FAM20A: variants seen among roughly 807,000 people sequenced by gnomAD.
FAM20A encodes pseudokinase FAM20A.
Under a neutral mutation model 52.0 loss-of-function variants are expected in FAM20A, and 42 were observed. That is an observed-to-expected ratio of 0.81 (90% CI 0.63 to 1.04). FAM20A has a LOEUF of 1.04. Ranked by LOEUF, FAM20A falls within the 50% of genes least tolerant of loss-of-function variation. The pLI is 0.00. For missense variants in FAM20A, 742 were observed against 712.7 expected (o/e 1.04, Z -0.47); for synonymous variants, 304 against 298.9 (o/e 1.02, Z -0.18).
intron 1 of FAM20A, among the ~76,000 whole-genome samples, chr17:68,597,145 T>C (rs1156343103): frequency 6.6e-6 from 1 of 152,008 alleles, no homozygotes; most frequent in Non-Finnish European, 1.5e-5. Context: ...CTACCTCTTA[T>C]TGGTAATGAG....
intron 1 of FAM20A, among the ~76,000 whole-genome samples, chr17:68,588,698 G>T (rs1009814576): frequency 3.3e-5 from 5 of 152,174 alleles, no homozygotes; most frequent in Non-Finnish European, 7.3e-5. Context: ...ATTGGATCAA[G>T]ACCTACCCAC....
chr17:68,537,941 A>T lies in FAM20A; in HGVS notation c.1362-200T>A, dbSNP rs910001280. Reference sequence around the variant, plus strand: ...CCAGTATCCTGCAGTCCTTTGCCCAATTGCGATTTGGTCAAGAGCCTGCAT... The same window carrying T: ...CCAGTATCCTGCAGTCCTTTGCCCATTTGCGATTTGGTCAAGAGCCTGCAT... On this transcript the variant is annotated intron_variant, in intron 10 of 10. Coordinates refer to ENST00000592554, the MANE Select transcript of FAM20A (RefSeq NM_017565.4). This position sits in a 1 kb window ranked among gnomAD's most constrained non-coding sequence, Gnocchi z 4.2. Among the ~76,000 whole-genome samples the T allele has an allele frequency of 6.6e-6, 1 of 152,174 alleles. No individual in the cohort carries two copies. The highest frequency in any genetic ancestry group is 2.4e-5 in the African/African-American group (1 of 41,456).
intron 1 of FAM20A, among the ~76,000 whole-genome samples, chr17:68,569,124 G>A (rs183461899): frequency 7.2e-4 from 109 of 152,184 alleles, no homozygotes; most frequent in Middle Eastern, 6.8e-3. Context: ...GGATGAGATT[G>A]CATCCACACC....
intron 1 of FAM20A, among the ~76,000 whole-genome samples, chr17:68,564,789 G>A (rs1178059608): frequency 1.3e-5 from 2 of 152,132 alleles, no homozygotes; most frequent in Non-Finnish European, 2.9e-5. Flanking sequence ...TTTGCTTCCT[G>A]GGATATGGGA....
rs570374190 is a variant in FAM20A at position 68,548,145 on chromosome 17, A to G, written c.719+3728T>C. 2.0e-5 allele frequency among the ~76,000 whole-genome samples: 3 copies of G among 152,344 alleles called. 1 individual carries two copies. The highest frequency in any genetic ancestry group is 7.2e-5 in the African/African-American group (3 of 41,582). ...TGCAGTGGCTCACACCTGTAATCCTAGCACTTTGGAAGGCCAAGGTTGGCA... is the reference window on the plus strand; with the variant it reads ...TGCAGTGGCTCACACCTGTAATCCTGGCACTTTGGAAGGCCAAGGTTGGCA... On this transcript the variant is annotated intron_variant, in intron 4 of 10. Transcript: ENST00000592554.
chr17:68,536,404 A>G lies in FAM20A; in HGVS notation c.*1073T>C, dbSNP rs77669268. On this transcript the variant is annotated 3_prime_UTR_variant, in exon 11 of 11. Transcript: ENST00000592554. ...TATGGAATAAGAAACAAAGCCTCCTATTAAAAGGAGTTTCAGATATCAACA... is the reference window on the plus strand; with the variant it reads ...TATGGAATAAGAAACAAAGCCTCCTGTTAAAAGGAGTTTCAGATATCAACA... 0.029 allele frequency: 12,952 copies of G among 454,108 alleles called. 255 individuals carry two copies. The highest frequency in any genetic ancestry group is 0.037 in the Non-Finnish European group (8,456 of 226,784). 28.1% of individuals were successfully genotyped at this position (454,108 alleles called of 1,614,324 possible). A position where few individuals can be genotyped will look rare whatever the true frequency, so the allele number is the denominator to read the frequency against.
At chr17:68,557,994 G>T (rs918496524) in intron 1 of FAM20A, among the ~76,000 whole-genome samples, 1 of 152,146 alleles carries the variant, frequency 6.6e-6, no homozygotes, top group Non-Finnish European at 1.5e-5. Context: ...GGTTGTCAAG[G>T]TGGGCCTGAT....
At chr17:68,574,173 T>C (rs1471333980) in intron 1 of FAM20A, among the ~76,000 whole-genome samples, 1 of 151,438 alleles carries the variant, frequency 6.6e-6, no homozygotes, top group East Asian at 2.0e-4. Context: ...CAAGTGATCC[T>C]CCCACCTCAG....
At chr17:68,570,197 T>C (rs1485278740) in intron 1 of FAM20A, among the ~76,000 whole-genome samples, 4 of 152,194 alleles carry the variant, frequency 2.6e-5, no homozygotes, top group Admixed American at 6.5e-5. Flanking sequence ...TGCCTCAGCC[T>C]CCTGAGTAGC....
rs1279583439 is a variant in FAM20A, at chr17:68,537,121, T to G, written c.*356A>C. ...AGAATAAGGATCCTGAGAAGTCAGG[T>G]ATCCACTTGATGTCCTTTTATTTGA... On this transcript the variant is annotated 3_prime_UTR_variant, in exon 11 of 11. Coordinates refer to ENST00000592554, the MANE Select transcript of FAM20A (RefSeq NM_017565.4). The surrounding 1 kb of genome is among the most constrained non-coding windows in gnomAD (Gnocchi z 4.2). 2.1e-6 allele frequency: 1 copy of G among 480,240 alleles called. No individual in the cohort carries two copies. The highest frequency in any genetic ancestry group is 4.1e-6 in the Non-Finnish European group (1 of 244,986). The allele number at this position is 480,240 out of a possible 1,614,324, so 29.7% of individuals were successfully genotyped here. A position where few individuals can be genotyped will look rare whatever the true frequency, so the allele number is the denominator to read the frequency against.
chr17:68,535,285 A>G lies in FAM20A; in HGVS notation c.*2192T>C. ...GAAGGTTGAAAGATAAGTGAATAAT[A>G]AGGTAGGTGTACCACATATCATGGT... On this transcript the variant is annotated 3_prime_UTR_variant, in exon 11 of 11. Transcript: ENST00000592554. 1 of 454,142 alleles carries G rather than the reference A, an allele frequency of 2.2e-6. No homozygotes were observed. The highest frequency in any genetic ancestry group is 4.4e-6 in the Non-Finnish European group (1 of 226,796). The allele number at this position is 454,142 out of a possible 1,614,324, so 28.1% of individuals were successfully genotyped here.
At chr17:68,552,643 G>A (rs1198547742) in intron 3 of FAM20A, among the ~76,000 whole-genome samples, 1 of 151,052 alleles carries the variant, frequency 6.6e-6, no homozygotes, top group African/African-American at 2.4e-5. Flanking sequence ...GGGAAGCCTG[G>A]AGCCCTGTAA....
At chr17:68,541,302 T>G (rs778705741) in intron 7 of FAM20A, 1 of 342,474 alleles carries the variant, frequency 2.9e-6, no homozygotes, top group Non-Finnish European at 5.7e-6. Flanking sequence ...TCTTGGACCC[T>G]GCGCCACTCA....
In FAM20A at chr17:68,537,636, G is replaced by A. The variant is rs1285047737; in HGVS notation, c.1467C>T (p.Val489=). The A allele has an allele frequency of 1.9e-6, 3 of 1,613,666 alleles. No individual in the cohort carries two copies. The African/African-American group carries it at 4.0e-5, about 22-fold the overall frequency. The change falls in exon 11 of 11, where the codon GTC becomes GTT. Residue 489 remains valine (V), a synonymous_variant. Coordinates refer to ENST00000592554, the MANE Select transcript of FAM20A (RefSeq NM_017565.4). This position sits in a 1 kb window ranked among gnomAD's most constrained non-coding sequence, Gnocchi z 4.2. Reference sequence around the variant, plus strand: ...GGGCAAGGAGGTGGGGTTCAGTGAGGACAGGGCTGAGCTGGTCTTCCAGCA... The same window carrying A: ...GGGCAAGGAGGTGGGGTTCAGTGAGAACAGGGCTGAGCTGGTCTTCCAGCA... ...ESLLEDQLSP[V]LTEPHLLALD... is the part of the protein sequence containing the mutation.
chr17:68,563,245 G>A (rs1268647394), intron 1 of FAM20A, among the ~76,000 whole-genome samples: 2 of 152,118 alleles, frequency 1.3e-5, no homozygotes, highest in Non-Finnish European at 2.9e-5. Context: ...AATTAGCCGG[G>A]TGTGGTGGCA....
chr17:68,538,525 G>A (rs1053653554), intron 10 of FAM20A, among the ~76,000 whole-genome samples: 3 of 152,218 alleles, frequency 2.0e-5, no homozygotes, highest in Non-Finnish European at 4.4e-5. Context: ...TACAAGCCTG[G>A]CTGAAACACT....
chr17:68,537,373 C>T lies in FAM20A; in HGVS notation c.*104G>A, dbSNP rs751996358. The T allele has an allele frequency of 1.2e-5, 17 of 1,461,170 alleles. No homozygotes were observed. Among genetic ancestry groups the T allele is most frequent in the East Asian group, 2.3e-5 (1 of 44,042 alleles). 90.5% of individuals were successfully genotyped at this position (1,461,170 alleles called of 1,614,324 possible). Reference sequence around the variant, plus strand: ...AATGTCCTGCTTCCTTCCTAGCTGACTTGACTCCCAGCAGTAACAGGTGGG... The same window carrying T: ...AATGTCCTGCTTCCTTCCTAGCTGATTTGACTCCCAGCAGTAACAGGTGGG... On this transcript the variant is annotated 3_prime_UTR_variant, in exon 11 of 11. Coordinates refer to ENST00000592554, the MANE Select transcript of FAM20A (RefSeq NM_017565.4). This position sits in a 1 kb window ranked among gnomAD's most constrained non-coding sequence, Gnocchi z 4.2.
intron 4 of FAM20A, 107 bp from the exon 5 acceptor site, chr17:68,543,828 T>A: frequency 1.0e-6 from 1 of 963,840 alleles, no homozygotes; most frequent in Non-Finnish European, 1.7e-6. Flanking sequence ...CTTTTATGCT[T>A]TTCATGTACA....
At chr17:68,598,973 CT>C (rs1255967882) in intron 1 of FAM20A, among the ~76,000 whole-genome samples, 3 of 152,096 alleles carry the variant, frequency 2.0e-5, no homozygotes. Flanking sequence ...CTCAAACTGC[CT>C]TTTATTACTG....
Sources: allele counts gnomAD v4.1 joint callset (sites outside exome capture counted in the v4.1 genomes callset), GRCh38; gene constraint gnomAD v4.1.1; non-coding constraint Gnocchi (gnomAD v3.1); transcripts MANE v1.5; gene names NCBI Gene and HGNC (gene_info 2026-07-23, HGNC 2026-07-21).